SKAP1: variants seen among roughly 807,000 people sequenced by gnomAD.
SKAP1 encodes the protein src kinase-associated phosphoprotein 1.
A neutral mutation model predicts 58.5 loss-of-function variants in SKAP1; 44 were observed. That is an observed-to-expected ratio of 0.75 (90% confidence interval 0.59 to 0.97). SKAP1 has a LOEUF of 0.97. Among genes scored for constraint, SKAP1 ranks in the 50% least tolerant of loss-of-function variants. The pLI is 0.00. For missense variants in SKAP1, 390 were observed against 435.2 expected (o/e 0.90, Z 0.92); for synonymous variants, 127 against 149.7 (o/e 0.85, Z 1.11).
intron 4 of SKAP1, among the ~76,000 whole-genome samples, chr17:48,191,859 C>G (rs1308667684): frequency 1.3e-5 from 2 of 152,184 alleles, no homozygotes; most frequent in Non-Finnish European, 2.9e-5. Flanking sequence ...ATGAGATGAA[C>G]AGCAGCAAAG....
chr17:48,305,411 C>T (rs528783196), intron 4 of SKAP1, among the ~76,000 whole-genome samples: 1 of 152,198 alleles, frequency 6.6e-6, no homozygotes, highest in Non-Finnish European at 1.5e-5. Flanking sequence ...TCTAAGGCCA[C>T]TTGCACACTA....
chr17:48,150,982 G>C (rs932143706), intron 11 of SKAP1, among the ~76,000 whole-genome samples: 1 of 151,570 alleles, frequency 6.6e-6, no homozygotes, highest in Non-Finnish European at 1.5e-5. Flanking sequence ...AGACTTAGGA[G>C]GTCAACAGTT....
intron 4 of SKAP1, among the ~76,000 whole-genome samples, chr17:48,274,546 A>G (rs2065675079): frequency 6.6e-6 from 1 of 152,036 alleles, no homozygotes; most frequent in Admixed American, 6.6e-5. Context: ...AAAATACAAA[A>G]TTAGCCAGGT....
At chr17:48,422,125 C>T (rs1040639809) in intron 1 of SKAP1, among the ~76,000 whole-genome samples, 6 of 152,050 alleles carry the variant, frequency 3.9e-5, no homozygotes, top group Admixed American at 3.3e-4. Flanking sequence ...GCAGGAGAAT[C>T]GCTCGAACCC....
chr17:48,303,913 G>A (rs1326054216), intron 4 of SKAP1, among the ~76,000 whole-genome samples: 1 of 152,118 alleles, frequency 6.6e-6, no homozygotes, highest in Non-Finnish European at 1.5e-5. Flanking sequence ...GGTTATAACT[G>A]GGGATTATAC....
intron 1 of SKAP1, among the ~76,000 whole-genome samples, chr17:48,405,441 CTTTCTTTCTTTTCTTTCTTTCT>C (rs2067565159): frequency 1.3e-5 from 1 of 78,484 alleles, no homozygotes; most frequent in Non-Finnish European, 2.6e-5. Flanking sequence ...TTCTTTCTTT[CTTTCTTTCTTTTCTTTCTTTCT>C]TTCCTTCCTT....
intron 2 of SKAP1, among the ~76,000 whole-genome samples, chr17:48,391,324 T>C: frequency 6.6e-6 from 1 of 152,156 alleles, no homozygotes; most frequent in East Asian, 1.9e-4. Context: ...GAGTTATACA[T>C]TTCAAAGCTA....
chr17:48,189,277 T>C (rs959271210), intron 5 of SKAP1, 146 bp downstream of exon 5: 4 of 623,682 alleles, frequency 6.4e-6, no homozygotes, highest in Admixed American at 3.2e-5. Context: ...AACACCAGAC[T>C]CCTTTCCTTT....
chr17:48,273,295 G>T (rs1164447244), intron 4 of SKAP1, among the ~76,000 whole-genome samples: 1 of 152,102 alleles, frequency 6.6e-6, no homozygotes, highest in Non-Finnish European at 1.5e-5. Context: ...AGAATGCTTA[G>T]GTAACTGACA....
chr17:48,325,041 G>A (rs936288504), intron 4 of SKAP1, among the ~76,000 whole-genome samples: 3 of 152,064 alleles, frequency 2.0e-5, no homozygotes, highest in African/African-American at 7.2e-5. Context: ...GAGGTCAGGA[G>A]ATCGAGACCA....
intron 3 of SKAP1, among the ~76,000 whole-genome samples, chr17:48,354,094 G>A (rs2066843504): frequency 6.6e-6 from 1 of 152,108 alleles, no homozygotes; most frequent in Non-Finnish European, 1.5e-5. Context: ...AAGATTAGCA[G>A]GCCTAAACAT....
chr17:48,208,624 G>A (rs1273452636), intron 4 of SKAP1, among the ~76,000 whole-genome samples: 5 of 152,090 alleles, frequency 3.3e-5, no homozygotes, highest in African/African-American at 1.2e-4. Context: ...AAACAATTAG[G>A]GGAGGCTGCA....
intron 4 of SKAP1, among the ~76,000 whole-genome samples, chr17:48,309,284 A>T (rs539249617): frequency 4.5e-4 from 47 of 103,406 alleles, no homozygotes; most frequent in African/African-American, 1.5e-3. Context: ...CCACTATATT[A>T]AAAAAAAAGT....
chr17:48,419,483 A>G (rs1329263914), intron 1 of SKAP1, among the ~76,000 whole-genome samples: 3 of 152,082 alleles, frequency 2.0e-5, no homozygotes, highest in African/African-American at 7.2e-5. Context: ...AGGTTTCACC[A>G]TGTTGGTCAG....
rs1187194581 is a variant in SKAP1, at chr17:48,253,495, T to C, written c.281-63995A>G. Among the ~76,000 whole-genome samples, 3 of 152,180 alleles carry C rather than the reference T, an allele frequency of 2.0e-5. No individual in the cohort carries two copies. In the East Asian group the frequency reaches 5.8e-4, roughly 29 times the overall value. On this transcript the variant is annotated intron_variant, in intron 4 of 12. Transcript: ENST00000336915. ...GCAATGGCTTCATTTCTCTCTAAAA[T>C]TACACGTGGCATTTCTTGGTGTGAT...
chr17:48,393,182 T>A lies in SKAP1; in HGVS notation c.152+3498A>T, dbSNP rs548536962. On this transcript the variant is annotated intron_variant, in intron 2 of 12. Coordinates refer to ENST00000336915, the MANE Select transcript of SKAP1 (RefSeq NM_003726.4). ...GCTGTTTAGTTTTTAAGAAAAGCAA[T>A]GAAAATCACAGCTTAGGACAACAAA... 5.9e-5 allele frequency among the ~76,000 whole-genome samples: 9 copies of A among 152,280 alleles called. No homozygotes were observed. In the East Asian group the frequency reaches 1.7e-3, roughly 29 times the overall value.
intron 4 of SKAP1, among the ~76,000 whole-genome samples, chr17:48,282,925 A>G (rs2065785860): frequency 6.6e-6 from 1 of 152,164 alleles, no homozygotes; most frequent in Non-Finnish European, 1.5e-5. Flanking sequence ...GCAATTATGT[A>G]ATTCCATGTA....
At chr17:48,187,646 G>T (rs933841388) in intron 6 of SKAP1, among the ~76,000 whole-genome samples, 197 bp downstream of exon 6, 1 of 152,124 alleles carries the variant, frequency 6.6e-6, no homozygotes, top group Non-Finnish European at 1.5e-5. Flanking sequence ...GTGTTTAAAG[G>T]TGAAATAATT....
intron 2 of SKAP1, among the ~76,000 whole-genome samples, chr17:48,378,384 A>G (rs1250269968): frequency 6.6e-6 from 1 of 152,134 alleles, no homozygotes; most frequent in Non-Finnish European, 1.5e-5. Context: ...CATCTGCCTC[A>G]TTTGGTTCTT....
Sources: gnomAD v4.1 joint callset for allele counts (sites outside exome capture counted in the v4.1 genomes callset) on GRCh38, gnomAD v4.1.1 for gene constraint, MANE v1.5 for transcripts, NCBI Gene and HGNC (gene_info 2026-07-23, HGNC 2026-07-21) for gene names.